The following PEMT variants were observed in gnomAD, a reference collection of about 807,000 sequenced individuals.
PEMT encodes phosphatidylethanolamine N-methyltransferase.
PEMT carries 23 observed loss-of-function variants against 27.4 expected under a neutral mutation model. The ratio of observed to expected loss-of-function variants is 0.84; its 90% CI spans 0.60 to 1.19. The LOEUF (loss-of-function observed/expected upper bound fraction) is 1.19. PEMT is among the 50% of genes most tolerant of loss of function. The pLI is 0.00. For synonymous variants in PEMT, 137 were observed against 139.1 expected (o/e 0.98, Z 0.11); for missense variants, 307 against 310.1 (o/e 0.99, Z 0.07).
intron 2 of PEMT, among the ~76,000 whole-genome samples, chr17:17,525,040 G>A (rs908563769): frequency 1.3e-5 from 2 of 152,154 alleles, no homozygotes; most frequent in African/African-American, 4.8e-5. Context: ...CTAGGAGGCG[G>A]AGGTTGCAGT....
At chr17:17,574,605 G>A (rs959269947) in intron 2 of PEMT, among the ~76,000 whole-genome samples, 6 of 152,156 alleles carry the variant, frequency 3.9e-5, no homozygotes, top group African/African-American at 1.4e-4. Flanking sequence ...ACAGGCGTGG[G>A]CCACCGCGCC....
Position 17,505,721 on chromosome 17 carries a change from T to A in PEMT, c.*70A>T. ...TGAGCAGCAGGCACCATTCTCGCCCTGCGCAGGGCCTGCCACTTGGGGCAG... is the reference window on the plus strand; with the variant it reads ...TGAGCAGCAGGCACCATTCTCGCCCAGCGCAGGGCCTGCCACTTGGGGCAG... On this transcript the variant is annotated 3_prime_UTR_variant, in exon 7 of 7. Coordinates refer to ENST00000255389, the MANE Select transcript of PEMT (RefSeq NM_148172.3). 1 of 1,478,056 alleles carries A rather than the reference T, an allele frequency of 6.8e-7. No homozygotes were observed. Among genetic ancestry groups the A allele is most frequent in the Admixed American group, 2.5e-5 (1 of 39,672 alleles). The allele number at this position is 1,478,056 out of a possible 1,614,324, so 91.6% of individuals were successfully genotyped here. A position where few individuals can be genotyped will look rare whatever the true frequency, so the allele number is the denominator to read the frequency against.
chr17:17,591,800 C>T, upstream of PEMT: 11 of 1,423,026 alleles, frequency 7.7e-6, no homozygotes, highest in Non-Finnish European at 1.0e-5. Context: ...GCCTCTTTAT[C>T]TGGGGGCTCG....
rs1912022388 is a variant in PEMT at position 17,582,358 on chromosome 17, G to A, written c.97-5331C>T. 1.0e-6 allele frequency: 1 copy of A among 985,462 alleles called. No individual in the cohort carries two copies. The highest frequency in any genetic ancestry group is 1.1e-4 in the East Asian group (1 of 8,814). The allele number at this position is 985,462 out of a possible 1,614,324, so 61.0% of individuals were successfully genotyped here. On this transcript the variant is annotated intron_variant, in intron 1 of 6. Transcript: ENST00000255389. The surrounding 1 kb of genome is among the most constrained non-coding windows in gnomAD (Gnocchi z 4.9). ...CAGCTGTTAACACCCCAAAGCATGGGTAAGGAAGAGGCTTTATGGTAATTT... is the reference window on the plus strand; with the variant it reads ...CAGCTGTTAACACCCCAAAGCATGGATAAGGAAGAGGCTTTATGGTAATTT...
At chr17:17,522,148 A>T in intron 3 of PEMT, 132 bp downstream of exon 3, 1 of 660,338 alleles carries the variant, frequency 1.5e-6, no homozygotes, top group South Asian at 1.8e-5. Flanking sequence ...TTGCTGTGGC[A>T]GGTGGCTTTG....
intron 1 of PEMT, among the ~76,000 whole-genome samples, chr17:17,590,428 C>G (rs755072407): frequency 9.2e-5 from 14 of 152,300 alleles, no homozygotes; most frequent in East Asian, 1.9e-4. Context: ...CTCGCAGATA[C>G]GGCAACAGGC....
chr17:17,592,100 A>G, upstream of PEMT: 9 of 985,056 alleles, frequency 9.1e-6, no homozygotes, highest in Non-Finnish European at 1.1e-5. Context: ...AGGGCCCCAC[A>G]CGCCCAGGGC....
intron 2 of PEMT, chr17:17,570,453 G>A (rs549505088): frequency 2.1e-6 from 2 of 932,290 alleles, no homozygotes; most frequent in East Asian, 2.3e-4. Context: ...AGTGGGCAGA[G>A]GCCGGGGACA....
At chr17:17,531,391 C>G (rs1660407035) in intron 2 of PEMT, among the ~76,000 whole-genome samples, 1 of 151,042 alleles carries the variant, frequency 6.6e-6, no homozygotes, top group Non-Finnish European at 1.5e-5. Flanking sequence ...TAGGATTTGT[C>G]TTTATTCACA....
intron 2 of PEMT, among the ~76,000 whole-genome samples, chr17:17,540,144 G>C (rs1218288706): frequency 6.6e-6 from 1 of 152,208 alleles, no homozygotes; most frequent in African/African-American, 2.4e-5. Context: ...CGTGGGTGGG[G>C]ATGGGGCAGG....
chr17:17,550,275 C>G (rs1909557425), intron 2 of PEMT, among the ~76,000 whole-genome samples: 1 of 152,220 alleles, frequency 6.6e-6, no homozygotes, highest in Non-Finnish European at 1.5e-5. Context: ...TCTGCCTGTT[C>G]CAGGGCCTGC....
Position 17,586,272 on chromosome 17 carries a change from GAAAGAAAGAAAGAAAGAAAA to G in PEMT, c.96+5239_96+5258del, listed in dbSNP as rs1221561370. Among the ~76,000 whole-genome samples, 666 of 107,986 alleles carry G rather than the reference GAAAGAAAGAAAGAAAGAAAA, an allele frequency of 6.2e-3. 33 individuals carry two copies. The highest frequency in any genetic ancestry group is 0.024 in the African/African-American group (564 of 23,026). 70.8% of individuals were successfully genotyped at this position (107,986 alleles called of 152,430 possible). A position where few individuals can be genotyped will look rare whatever the true frequency, so the allele number is the denominator to read the frequency against. The stretch of plus-strand genomic sequence containing the variant: ...AGAAAGAAAGAAAGAAAGAAAGAAA[GAAAGAAAGAAAGAAAGAAAA>G]AAAAAAACGCAGGTGGAAAATCGGG... On this transcript the variant is annotated intron_variant, in intron 1 of 6. Coordinates refer to ENST00000255389, the MANE Select transcript of PEMT (RefSeq NM_148172.3).
chr17:17,533,224 G>A (rs1483833708), intron 2 of PEMT, among the ~76,000 whole-genome samples: 4 of 152,258 alleles, frequency 2.6e-5, no homozygotes, highest in African/African-American at 9.6e-5. Flanking sequence ...CAAAACAAAT[G>A]AATGTGGAAA....
At chr17:17,583,880 C>T (rs1010014994) in intron 1 of PEMT, among the ~76,000 whole-genome samples, 5 of 152,202 alleles carry the variant, frequency 3.3e-5, no homozygotes, top group Admixed American at 2.0e-4. Flanking sequence ...TGTCACAATG[C>T]GACTGTGGTC....
At chr17:17,543,071 G>A (rs984989390) in intron 2 of PEMT, among the ~76,000 whole-genome samples, 6 of 152,154 alleles carry the variant, frequency 3.9e-5, no homozygotes, top group African/African-American at 2.4e-5. Flanking sequence ...GCACCACCGG[G>A]GAAGCATGTC....
At chr17:17,577,351 T>C in intron 1 of PEMT, 1 of 587,532 alleles carries the variant, frequency 1.7e-6, no homozygotes, top group South Asian at 2.9e-5. Context: ...TGGATGAGGG[T>C]TCTCAGAGGC....
At chr17:17,563,412 C>T (rs1473735440) in intron 2 of PEMT, among the ~76,000 whole-genome samples, 7 of 152,216 alleles carry the variant, frequency 4.6e-5, no homozygotes, top group East Asian at 1.9e-4. Flanking sequence ...AGCCCCACCT[C>T]GCAGGGAGGT....
Position 17,512,728 on chromosome 17 carries a change from A to C in PEMT, c.321-74T>G. 7.3e-6 allele frequency: 10 copies of C among 1,365,628 alleles called. No individual in the cohort carries two copies. Among genetic ancestry groups the C allele is most frequent in the Non-Finnish European group, 9.6e-6 (10 of 1,037,630 alleles). The allele number at this position is 1,365,628 out of a possible 1,614,324, so 84.6% of individuals were successfully genotyped here. ...CACAGCCCGGGAGGAGGCCGACCTC[A>C]TCTTCTCGCCCTCTCCCCAGGGACC... On this transcript the variant is annotated intron_variant, in intron 3 of 6. Transcript: ENST00000255389. The surrounding 1 kb of genome is among the most constrained non-coding windows in gnomAD (Gnocchi z 6.3).
rs1910740515 is a variant in PEMT at position 17,565,080 on chromosome 17, C to T, written c.204+11840G>A. 2.6e-5 allele frequency among the ~76,000 whole-genome samples: 4 copies of T among 152,302 alleles called. No individual in the cohort carries two copies. In the South Asian group the frequency reaches 8.3e-4, roughly 32 times the overall value. On this transcript the variant is annotated intron_variant, in intron 2 of 6. Transcript: ENST00000255389. The stretch of plus-strand genomic sequence containing the variant: ...TTTGAAAACTGTGGCTGGGGAATCT[C>T]TGCAGGCTCCACCTCCCACCCTCTG...
Sources: allele counts gnomAD v4.1 joint callset (sites outside exome capture counted in the v4.1 genomes callset), GRCh38; gene constraint gnomAD v4.1.1; non-coding constraint Gnocchi (gnomAD v3.1); transcripts MANE v1.5; gene names NCBI Gene and HGNC (gene_info 2026-07-23, HGNC 2026-07-21).